Variants in PRKCA observed in about 807,000 individuals in gnomAD.
PRKCA encodes protein kinase C alpha.
In PRKCA, 27 loss-of-function variants were observed where a neutral mutation model predicts 87.0. That is an observed-to-expected ratio of 0.31 (90% CI 0.23 to 0.43). The LOEUF is 0.43. PRKCA is among the 20% of genes least tolerant of loss of function. PRKCA has a pLI of 1.00. For synonymous variants in PRKCA, 329 were observed against 311.1 expected, an observed-to-expected ratio of 1.06 and a Z score of -0.61; for missense variants, 518 against 852.3, an observed-to-expected ratio of 0.61 and a Z score of 4.88.
intron 3 of PRKCA, among the ~76,000 whole-genome samples, chr17:66,627,355 G>C (rs892588907): frequency 6.6e-6 from 1 of 152,158 alleles, no homozygotes; most frequent in Admixed American, 6.5e-5. Context: ...TATTCTTCAG[G>C]TTGAGTTCTG....
At chr17:66,314,668 A>G (rs1018497171) in intron 2 of PRKCA, among the ~76,000 whole-genome samples, 3 of 152,198 alleles carry the variant, frequency 2.0e-5, no homozygotes, top group African/African-American at 7.2e-5. Flanking sequence ...AAGGATGTAA[A>G]TATGAGACAT....
intron 3 of PRKCA, among the ~76,000 whole-genome samples, chr17:66,566,480 G>A (rs67111958): frequency 1.0e-5 from 1 of 97,022 alleles, no homozygotes; most frequent in Non-Finnish European, 2.0e-5. Flanking sequence ...TTGTTTTTTG[G>A]TTTTTTTTTT....
At chr17:66,708,393 G>C (rs377037492) in intron 8 of PRKCA, among the ~76,000 whole-genome samples, 5 of 151,078 alleles carry the variant, frequency 3.3e-5, no homozygotes, top group African/African-American at 1.2e-4. Context: ...GGTGCTGTGC[G>C]TATCTGGGCT....
intron 2 of PRKCA, among the ~76,000 whole-genome samples, chr17:66,389,226 AT>A (rs753320709): frequency 6.6e-6 from 1 of 152,180 alleles, no homozygotes; most frequent in Non-Finnish European, 1.5e-5. Context: ...CTTAGGGTAA[AT>A]ATCTGTGGCG....
At chr17:66,611,177 T>C (rs569084419) in intron 3 of PRKCA, among the ~76,000 whole-genome samples, 3 of 152,224 alleles carry the variant, frequency 2.0e-5, no homozygotes, top group East Asian at 1.9e-4. Context: ...ATTTTTGTTA[T>C]AGATTTATCA....
intron 3 of PRKCA, among the ~76,000 whole-genome samples, chr17:66,586,811 T>G (rs1257941439): frequency 6.6e-6 from 1 of 152,164 alleles, no homozygotes; most frequent in Admixed American, 6.5e-5. Context: ...GGGCTGAATA[T>G]CCATAACATG....
At chr17:66,347,941 C>CTTTTTTTTTT (rs57292153) in intron 2 of PRKCA, among the ~76,000 whole-genome samples, 2,298 of 56,228 alleles carry the variant, frequency 0.041, 555 homozygotes, top group African/African-American at 0.092. Context: ...AATTCTGAAC[C>CTTTTTTTTTT]TTTTTTTTTT....
intron 3 of PRKCA, among the ~76,000 whole-genome samples, chr17:66,560,073 A>G (rs1428093808): frequency 6.6e-6 from 1 of 152,182 alleles, no homozygotes; most frequent in African/African-American, 2.4e-5. Context: ...GATGTTGGCT[A>G]TTCCTCAGAA....
chr17:66,568,725 A>G (rs547750237), intron 3 of PRKCA, among the ~76,000 whole-genome samples: 1 of 152,310 alleles, frequency 6.6e-6, no homozygotes, highest in East Asian at 1.9e-4. Context: ...CTCATGTTCC[A>G]TGTTCTACAG....
chr17:66,592,785 TTTTA>T (rs144068718), intron 3 of PRKCA, among the ~76,000 whole-genome samples: 11,831 of 152,254 alleles, frequency 0.078, 585 homozygotes, highest in South Asian at 0.21. Flanking sequence ...ATCGATTCAT[TTTTA>T]TTTATTTATT....
chr17:66,503,008 T>C (rs1377352143), intron 3 of PRKCA, among the ~76,000 whole-genome samples: 1 of 152,190 alleles, frequency 6.6e-6, no homozygotes, highest in Non-Finnish European at 1.5e-5. Context: ...GCTGTTTTTA[T>C]GTGTCATCCA....
chr17:66,519,683 A>G (rs1219102461), intron 3 of PRKCA, among the ~76,000 whole-genome samples: 1 of 152,160 alleles, frequency 6.6e-6, no homozygotes, highest in Non-Finnish European at 1.5e-5. Context: ...AACATTTCCT[A>G]TGCCAGCAGT....
intron 13 of PRKCA, among the ~76,000 whole-genome samples, chr17:66,760,197 C>A (rs1029087209): frequency 1.3e-5 from 2 of 152,134 alleles, no homozygotes; most frequent in African/African-American, 2.4e-5. Context: ...ATAATAGAAA[C>A]CATGCAGTGT....
rs908554655 is a variant in PRKCA, at chr17:66,689,457, T to A, written c.918+410T>A. Among the ~76,000 whole-genome samples, 1 of 151,666 alleles carries A rather than the reference T, an allele frequency of 6.6e-6. No individual in the cohort carries two copies. The highest frequency in any genetic ancestry group is 2.4e-5 in the African/African-American group (1 of 41,262). On this transcript the variant is annotated intron_variant, in intron 8 of 16. Coordinates refer to ENST00000413366, the MANE Select transcript of PRKCA (RefSeq NM_002737.3). The surrounding 1 kb of genome is among the most constrained non-coding windows in gnomAD (Gnocchi z 4.1). ...GTGTAATCAGGCTATCATCTGAGAC[T>A]TTTTTTTTCTACAGAAAGTACAAGG...
At chr17:66,787,586 A>ACAAATCAT (rs1291227326) in intron 15 of PRKCA, among the ~76,000 whole-genome samples, 8 of 152,202 alleles carry the variant, frequency 5.3e-5, no homozygotes, top group Admixed American at 5.2e-4. Flanking sequence ...AGCAATTGGC[A>ACAAATCAT]CAAATCATCA....
chr17:66,758,080 A>G (rs1389421243), intron 13 of PRKCA, among the ~76,000 whole-genome samples: 1 of 152,194 alleles, frequency 6.6e-6, no homozygotes, highest in African/African-American at 2.4e-5. Flanking sequence ...TTGGATCTCC[A>G]TGGGGCAAGG....
At chr17:66,303,814 C>G (rs1431908164) in intron 1 of PRKCA, among the ~76,000 whole-genome samples, 1 of 151,936 alleles carries the variant, frequency 6.6e-6, no homozygotes, top group Non-Finnish European at 1.5e-5. Flanking sequence ...ACCAGCCTGG[C>G]AAACATGGTG....
rs760335620 is a variant in PRKCA at position 66,804,976 on chromosome 17, C to T, written c.*939C>T. 5.5e-5 allele frequency: 54 copies of T among 984,404 alleles called. No homozygotes were observed. The highest frequency in any genetic ancestry group is 4.7e-4 in the South Asian group (10 of 21,254). The allele number at this position is 984,404 out of a possible 1,614,324, so 61.0% of individuals were successfully genotyped here. A position where few individuals can be genotyped will look rare whatever the true frequency, so the allele number is the denominator to read the frequency against. On this transcript the variant is annotated 3_prime_UTR_variant, in exon 17 of 17. Coordinates refer to ENST00000413366, the MANE Select transcript of PRKCA (RefSeq NM_002737.3). The stretch of plus-strand genomic sequence containing the variant: ...ATCCTTCTCAAGAAGCTGAAGTGTA[C>T]GCCCTCTCCCCTTTTGTGCTTATTT...
chr17:66,509,163 C>CGTGTGTGT (rs372457121), intron 3 of PRKCA, among the ~76,000 whole-genome samples: 1 of 138,096 alleles, frequency 7.2e-6, no homozygotes, highest in African/African-American at 2.6e-5. Context: ...AGAAAAGGAA[C>CGTGTGTGT]GTGTGTGTGT....
Sources: allele counts gnomAD v4.1 joint callset (sites outside exome capture counted in the v4.1 genomes callset), GRCh38; gene constraint gnomAD v4.1.1; non-coding constraint Gnocchi (gnomAD v3.1); transcripts MANE v1.5; gene names NCBI Gene and HGNC (gene_info 2026-07-23, HGNC 2026-07-21).